EPB41L3: variants seen among roughly 807,000 people sequenced by gnomAD.
EPB41L3 encodes the protein band 4.1-like protein 3.
A neutral mutation model predicts 127.1 loss-of-function variants in EPB41L3; 57 were observed. The observed-to-expected ratio is 0.45, with a 90% CI of 0.36 to 0.56. The LOEUF (loss-of-function observed/expected upper bound fraction) is 0.56, where lower values mean the gene tolerates loss of function less well. Among genes scored for constraint, EPB41L3 ranks in the 20% least tolerant of loss-of-function variants. The pLI is 0.00. For synonymous variants in EPB41L3, 572 were observed against 549.5 expected (o/e 1.04, Z -0.57); for missense variants, 1,273 against 1,372.2 (o/e 0.93, Z 1.14).
intron 3 of EPB41L3, among the ~76,000 whole-genome samples, chr18:5,473,427 T>A (rs11660092): frequency 6.6e-6 from 1 of 151,626 alleles, no homozygotes; most frequent in African/African-American, 2.4e-5. Context: ...AAACATTTGA[T>A]AGATGCAGCA....
chr18:5,582,569 A>G (rs991684506), intron 3 of EPB41L3, among the ~76,000 whole-genome samples: 3 of 152,238 alleles, frequency 2.0e-5, no homozygotes, highest in Non-Finnish European at 4.4e-5. Context: ...TTTTCTAAAT[A>G]TTACAAATGA....
intron 11 of EPB41L3, chr18:5,420,262 C>G (rs2077312216): frequency 3.5e-6 from 1 of 285,874 alleles, no homozygotes; most frequent in African/African-American, 2.2e-5. Flanking sequence ...TTGGCTGGCA[C>G]TGGCACCAGT....
At chr18:5,432,420 C>T (rs2079124711) in intron 8 of EPB41L3, among the ~76,000 whole-genome samples, 1 of 152,176 alleles carries the variant, frequency 6.6e-6, no homozygotes, top group Non-Finnish European at 1.5e-5. Flanking sequence ...AAACACACAT[C>T]CCTAAACAGG....
intron 3 of EPB41L3, among the ~76,000 whole-genome samples, chr18:5,445,460 C>T (rs1020796059): frequency 2.0e-5 from 3 of 152,088 alleles, no homozygotes; most frequent in Non-Finnish European, 4.4e-5. Flanking sequence ...GCCCACCCCA[C>T]AAATAAACAA....
chr18:5,621,656 A>G lies in EPB41L3; in HGVS notation c.-467-7233T>C, dbSNP rs540290743. Among the ~76,000 whole-genome samples the G allele has an allele frequency of 2.0e-5, 3 of 152,304 alleles. No homozygotes were observed. In the East Asian group the frequency reaches 5.8e-4, roughly 29 times the overall value. On this transcript the variant is annotated intron_variant, in intron 1 of 21. Transcript: ENST00000545076. ...TTCGGGAGGCTGAGGCAGGAGAATC[A>G]CTTGGGCCTGGGAGGTCAAGGCTGC... is the stretch of plus-strand genomic sequence containing the variant.
intron 3 of EPB41L3, among the ~76,000 whole-genome samples, chr18:5,553,788 A>G (rs963988047): frequency 6.6e-5 from 10 of 152,102 alleles, no homozygotes; most frequent in African/African-American, 2.2e-4. Context: ...CCACCCTGAG[A>G]CCCCTATAGT....
intron 1 of EPB41L3, among the ~76,000 whole-genome samples, chr18:5,495,093 A>G (rs1187449099): frequency 6.6e-6 from 1 of 152,218 alleles, no homozygotes; most frequent in Non-Finnish European, 1.5e-5. Context: ...TCATTATTAA[A>G]TATCTTCAAA....
chr18:5,450,304 A>G (rs2082120230), intron 3 of EPB41L3, among the ~76,000 whole-genome samples: 1 of 152,186 alleles, frequency 6.6e-6, no homozygotes, highest in African/African-American at 2.4e-5. Flanking sequence ...CCCAGGATGA[A>G]CAGCACAAAG....
At chr18:5,525,616 T>C (rs1367971653) in intron 1 of EPB41L3, among the ~76,000 whole-genome samples, 1 of 152,208 alleles carries the variant, frequency 6.6e-6, no homozygotes, top group African/African-American at 2.4e-5. Flanking sequence ...CCAAATCTGA[T>C]CTAAAACTTC....
At chr18:5,491,230 T>C (rs562325992) in intron 1 of EPB41L3, among the ~76,000 whole-genome samples, 1 of 152,334 alleles carries the variant, frequency 6.6e-6, no homozygotes, top group South Asian at 2.1e-4. Context: ...GTCCTGGACA[T>C]GTCACATTCA....
At chr18:5,488,179 T>C (rs942704963) in intron 2 of EPB41L3, among the ~76,000 whole-genome samples, 1 of 152,122 alleles carries the variant, frequency 6.6e-6, no homozygotes, top group Non-Finnish European at 1.5e-5. Flanking sequence ...AATGTAGATG[T>C]GTATAGGGAG....
At chr18:5,618,137 C>T (rs1415447132) in intron 1 of EPB41L3, among the ~76,000 whole-genome samples, 2 of 152,170 alleles carry the variant, frequency 1.3e-5, no homozygotes, top group African/African-American at 4.8e-5. Context: ...CTTACAAATA[C>T]ACTTTTCAAA....
At position 5,415,895 on chromosome 18, in the gene EPB41L3, G is replaced by A. The variant is rs1404967376; in HGVS notation, c.1990C>T (p.Leu664Phe). The part of the protein sequence containing the change: ...LTLSFPLALC[L>F]CYLEPKAASL... ...GCCGCCTTGGGCTCCAGGTAGCAGA[G>A]GCACAGAGCCAGAGGGAAGGAGAGA... is the stretch of plus-strand genomic sequence containing the variant. The change falls in exon 13 of 23, where the codon CTC becomes TTC. Residue 664 changes from leucine (L) to phenylalanine (F), a missense_variant. Transcript: ENST00000341928. The A allele has an allele frequency of 1.9e-6, 3 of 1,613,824 alleles. No homozygotes were observed. The highest frequency in any genetic ancestry group is 1.3e-5 in the African/African-American group (1 of 74,910).
chr18:5,608,532 T>A (rs2143974503), intron 3 of EPB41L3, among the ~76,000 whole-genome samples: 1 of 152,168 alleles, frequency 6.6e-6, no homozygotes, highest in African/African-American at 2.4e-5. Flanking sequence ...GGATGAGAGA[T>A]TTCTGAGGAT....
At chr18:5,407,652 C>T in intron 15 of EPB41L3, 49 bp downstream of exon 15, 2 of 1,585,804 alleles carry the variant, frequency 1.3e-6, no homozygotes, top group Non-Finnish European at 1.7e-6. Flanking sequence ...ACTTATCACA[C>T]ACTGTTGTTT....
At chr18:5,488,466 T>C (rs933314055) in intron 2 of EPB41L3, among the ~76,000 whole-genome samples, 14 of 151,948 alleles carry the variant, frequency 9.2e-5, no homozygotes, top group Non-Finnish European at 1.5e-5. Context: ...CTAATGTAGA[T>C]GATGGATTGA....
At chr18:5,427,350 T>A (rs560633929) in intron 9 of EPB41L3, among the ~76,000 whole-genome samples, 1 of 152,338 alleles carries the variant, frequency 6.6e-6, no homozygotes, top group East Asian at 1.9e-4. Context: ...TTGAGGTATT[T>A]ATTAACTATC....
intron 3 of EPB41L3, among the ~76,000 whole-genome samples, chr18:5,555,053 A>C (rs542757351): frequency 6.6e-6 from 1 of 152,298 alleles, no homozygotes; most frequent in Non-Finnish European, 1.5e-5. Flanking sequence ...ATTGCGCTTC[A>C]CATGCCCACT....
intron 3 of EPB41L3, among the ~76,000 whole-genome samples, chr18:5,454,189 T>C (rs1298596480): frequency 1.3e-5 from 2 of 150,662 alleles, no homozygotes; most frequent in African/African-American, 2.4e-5. Flanking sequence ...GCGGAGAGTG[T>C]GTTTTTTTTT....
Sources: gnomAD v4.1 joint callset for allele counts (sites outside exome capture counted in the v4.1 genomes callset) on GRCh38, gnomAD v4.1.1 for gene constraint, MANE v1.5 for transcripts, NCBI Gene and HGNC (gene_info 2026-07-23, HGNC 2026-07-21) for gene names.